ST6GALNAC5: variants seen among roughly 807,000 people sequenced by gnomAD.
ST6GALNAC5 encodes alpha-N-acetylgalactosaminide alpha-2,6-sialyltransferase 5.
Under a neutral mutation model 33.6 loss-of-function variants are expected in ST6GALNAC5, and 27 were observed. That is an observed-to-expected ratio of 0.80 (90% CI 0.59 to 1.11). The LOEUF is 1.11. Among genes scored for constraint, ST6GALNAC5 ranks in the 50% least tolerant of loss-of-function variants. The probability of loss-of-function intolerance (pLI) is 0.00; values close to 1 mark genes in which losing one functional copy is unlikely to be tolerated. For missense variants in ST6GALNAC5, 428 were observed against 454.0 expected (o/e 0.94, Z 0.52); for synonymous variants, 194 against 171.2 (o/e 1.13, Z -1.04).
In ST6GALNAC5 at chr1:77,065,665, C is replaced by T. The variant is rs574896215; in HGVS notation, c.*2459C>T. On this transcript the variant is annotated 3_prime_UTR_variant, in exon 5 of 5. Coordinates refer to ENST00000477717, the MANE Select transcript of ST6GALNAC5 (RefSeq NM_030965.3). ...CTTCCCACTACCATTTCATGACTGT[C>T]GTCTGAACACTATTCAACACCATTA... 4 of 152,260 alleles carry T rather than the reference C, an allele frequency of 2.6e-5. No individual in the cohort carries two copies. Among genetic ancestry groups the T allele is most frequent in the South Asian group, 2.1e-4 (1 of 4,824 alleles). The allele number at this position is 152,260 out of a possible 1,614,324, so 9.4% of individuals were successfully genotyped here.
chr1:77,000,419 AATTTTCTCCC>A (rs1485784247), intron 2 of ST6GALNAC5, among the ~76,000 whole-genome samples: 1 of 126,378 alleles, frequency 7.9e-6, no homozygotes, highest in Admixed American at 8.2e-5. Flanking sequence ...AGGTTGCGAA[AATTTTCTCCC>A]ATTTTGTAGG....
intron 2 of ST6GALNAC5, among the ~76,000 whole-genome samples, chr1:76,927,591 T>A (rs1647098349): frequency 6.6e-6 from 1 of 152,098 alleles, no homozygotes; most frequent in Non-Finnish European, 1.5e-5. Context: ...TTCTTCTGAG[T>A]GGCAGAGAAC....
chr1:76,895,294 G>A (rs1267046911), intron 2 of ST6GALNAC5, among the ~76,000 whole-genome samples: 1 of 152,032 alleles, frequency 6.6e-6, no homozygotes. Flanking sequence ...AAAATTTTGG[G>A]GGGGTGATAT....
intron 2 of ST6GALNAC5, among the ~76,000 whole-genome samples, chr1:76,874,491 A>G (rs1183322269): frequency 6.6e-6 from 1 of 152,212 alleles, no homozygotes; most frequent in Non-Finnish European, 1.5e-5. Flanking sequence ...TTCCCACAAT[A>G]GGCTGTCTGC....
chr1:77,010,971 G>A (rs1041961113), intron 2 of ST6GALNAC5, among the ~76,000 whole-genome samples: 1 of 152,214 alleles, frequency 6.6e-6, no homozygotes, highest in African/African-American at 2.4e-5. Context: ...AGGCAGAAAT[G>A]TCTTCATCCC....
rs563564288 is a variant in ST6GALNAC5, at chr1:77,033,997, C to T, written c.262-10207C>T. ...AGACAAAGGAGGAGAACTGCAAAGT[C>T]GAGGCACTGGTGGGAGGGTGTTAGG... On this transcript the variant is annotated intron_variant, in intron 2 of 4. Coordinates refer to ENST00000477717, the MANE Select transcript of ST6GALNAC5 (RefSeq NM_030965.3). 4.6e-5 allele frequency among the ~76,000 whole-genome samples: 7 copies of T among 152,152 alleles called. No individual in the cohort carries two copies. The South Asian group carries it at 1.2e-3, about 27-fold the overall frequency.
At chr1:76,947,777 A>T (rs1412036398) in intron 2 of ST6GALNAC5, among the ~76,000 whole-genome samples, 1 of 152,056 alleles carries the variant, frequency 6.6e-6, no homozygotes, top group Admixed American at 6.6e-5. Context: ...AGACGTTGGG[A>T]AACTTTTAAA....
intron 2 of ST6GALNAC5, among the ~76,000 whole-genome samples, chr1:76,878,479 T>A (rs1431054842): frequency 6.6e-6 from 1 of 152,152 alleles, no homozygotes; most frequent in Non-Finnish European, 1.5e-5. Flanking sequence ...GGAATCAATG[T>A]CAGCTCAGAG....
intron 2 of ST6GALNAC5, among the ~76,000 whole-genome samples, chr1:76,966,587 A>C (rs942977284): frequency 6.6e-6 from 1 of 152,098 alleles, no homozygotes; most frequent in African/African-American, 2.4e-5. Flanking sequence ...GAATACCTTT[A>C]TTTCTTTCTC....
At chr1:77,030,774 AAAG>A (rs1221301429) in intron 2 of ST6GALNAC5, among the ~76,000 whole-genome samples, 21 of 152,234 alleles carry the variant, frequency 1.4e-4, no homozygotes, top group African/African-American at 4.8e-4. Context: ...GTTTCTAAGA[AAAG>A]AAGAAGTTTT....
intron 2 of ST6GALNAC5, among the ~76,000 whole-genome samples, chr1:76,972,280 A>T (rs1648790609): frequency 6.6e-6 from 1 of 152,130 alleles, no homozygotes; most frequent in South Asian, 2.1e-4. Context: ...TGAGAACAGC[A>T]TGGGAAAGAC....
intron 2 of ST6GALNAC5, among the ~76,000 whole-genome samples, chr1:76,957,649 T>C (rs1349881079): frequency 1.5e-5 from 2 of 131,144 alleles, no homozygotes; most frequent in Non-Finnish European, 3.1e-5. Context: ...GTTAATCCAT[T>C]TGAAAGTACT....
intron 2 of ST6GALNAC5, among the ~76,000 whole-genome samples, chr1:77,043,959 C>T (rs571896181): frequency 1.8e-4 from 28 of 152,238 alleles, no homozygotes; most frequent in Admixed American, 9.8e-4. Flanking sequence ...ATCAGTAAAG[C>T]CCTTAGTTCA....
intron 2 of ST6GALNAC5, among the ~76,000 whole-genome samples, chr1:77,015,671 G>C (rs1156965306): frequency 1.3e-5 from 2 of 152,094 alleles, no homozygotes; most frequent in Non-Finnish European, 2.9e-5. Context: ...GTTCAGAGGA[G>C]GGGCACCTGC....
At chr1:76,974,773 CT>C (rs60357939) in intron 2 of ST6GALNAC5, among the ~76,000 whole-genome samples, 540 of 35,212 alleles carry the variant, frequency 0.015, 1 homozygote, top group African/African-American at 0.067. Flanking sequence ...TTCTTTCTTT[CT>C]TTTTTTTTTT....
chr1:77,001,920 A>G (rs1570078452), intron 2 of ST6GALNAC5, among the ~76,000 whole-genome samples: 4 of 152,160 alleles, frequency 2.6e-5, no homozygotes, highest in East Asian at 3.9e-4. Context: ...TTTTGCATCA[A>G]TGTTCATCAA....
intron 2 of ST6GALNAC5, among the ~76,000 whole-genome samples, chr1:76,950,670 G>A (rs1647706617): frequency 6.6e-6 from 1 of 152,090 alleles, no homozygotes; most frequent in Non-Finnish European, 1.5e-5. Context: ...CTCAAAGAAA[G>A]GGATGTATTT....
In ST6GALNAC5 at chr1:77,063,068, G is replaced by C. The variant is rs753443235; in HGVS notation, c.873G>C (p.Lys291Asn). The change falls in exon 5 of 5, where the codon AAG becomes AAC. Residue 291 changes from lysine (K) to asparagine (N), a missense_variant. Physicochemically the swap from Lys to Asn is moderately conservative, Grantham distance 94. Coordinates refer to ENST00000477717, the MANE Select transcript of ST6GALNAC5 (RefSeq NM_030965.3). ...ACCTCTCCCATGAGCGAGGACGCAA[G>C]GGCAGTCATCACCGCTTTATCACAG... ...TMYLSHERGR[K>N]GSHHRFITEK... 1.2e-6 allele frequency: 2 copies of C among 1,613,942 alleles called. No individual in the cohort carries two copies. The highest frequency in any genetic ancestry group is 2.2e-5 in the South Asian group (2 of 91,056).
At chr1:76,939,357 A>G (rs1042236386) in intron 2 of ST6GALNAC5, among the ~76,000 whole-genome samples, 1 of 152,104 alleles carries the variant, frequency 6.6e-6, no homozygotes, top group African/African-American at 2.4e-5. Flanking sequence ...TAGCTCTGAC[A>G]AGAGAAGATT....
Sources: gnomAD v4.1 joint callset for allele counts (sites outside exome capture counted in the v4.1 genomes callset) on GRCh38, gnomAD v4.1.1 for gene constraint, MANE v1.5 for transcripts, NCBI Gene and HGNC (gene_info 2026-07-23, HGNC 2026-07-21) for gene names.